TSHR: variants seen among roughly 807,000 people sequenced by gnomAD.
The protein encoded by TSHR is thyroid stimulating hormone receptor.
A neutral mutation model predicts 64.1 loss-of-function variants in TSHR; 51 were observed. The observed-to-expected ratio is 0.80, with a 90% confidence interval of 0.64 to 1.01. The LOEUF (loss-of-function observed/expected upper bound fraction) is 1.01. Ranked by LOEUF, TSHR falls within the 50% of genes least tolerant of loss-of-function variation. TSHR has a pLI of 0.00. For missense variants in TSHR, 877 were observed against 942.8 expected (o/e 0.93, Z 0.91); for synonymous variants, 361 against 361.9 (o/e 1.00, Z 0.03).
chr14:81,044,220 G>A (rs748207890), intron 1 of TSHR, among the ~76,000 whole-genome samples: 36 of 152,012 alleles, frequency 2.4e-4, no homozygotes, highest in Non-Finnish European at 4.3e-4. Context: ...AATCTACAAG[G>A]AACTTAAATT....
At chr14:81,049,369 T>G (rs555343445) in intron 1 of TSHR, 2 of 152,328 alleles carry the variant, frequency 1.3e-5, no homozygotes, top group Non-Finnish European at 2.9e-5. Context: ...TATGGTTATG[T>G]AGTTTCAGAA....
At chr14:81,097,138 T>C (rs1889259545) in intron 7 of TSHR, among the ~76,000 whole-genome samples, 1 of 152,308 alleles carries the variant, frequency 6.6e-6, no homozygotes, top group East Asian at 1.9e-4. Context: ...TTTCAAAAAA[T>C]AAATAGTGCT....
At chr14:80,976,973 G>A (rs1161683629) in intron 1 of TSHR, among the ~76,000 whole-genome samples, 1 of 152,266 alleles carries the variant, frequency 6.6e-6, no homozygotes, top group Non-Finnish European at 1.5e-5. Context: ...CAGATGCCAT[G>A]ATGTAGGCAA....
At chr14:81,085,733 G>A (rs1200804057) in intron 3 of TSHR, among the ~76,000 whole-genome samples, 1 of 152,120 alleles carries the variant, frequency 6.6e-6, no homozygotes, top group Admixed American at 6.6e-5. Flanking sequence ...TTTCCAGACT[G>A]CAAACCCTGC....
At chr14:80,967,638 G>A (rs530462903) in intron 1 of TSHR, among the ~76,000 whole-genome samples, 5 of 152,186 alleles carry the variant, frequency 3.3e-5, no homozygotes, top group African/African-American at 9.6e-5. Flanking sequence ...TTTCTTAATC[G>A]GGTGAGAGAT....
At chr14:81,136,910 G>A (rs552420701) in intron 8 of TSHR, among the ~76,000 whole-genome samples, 2 of 152,308 alleles carry the variant, frequency 1.3e-5, no homozygotes, top group South Asian at 4.1e-4. Flanking sequence ...ACCTGGATCT[G>A]TGTTCAAAGA....
intron 8 of TSHR, among the ~76,000 whole-genome samples, chr14:81,138,316 G>A (rs1339550474): frequency 6.7e-6 from 1 of 149,932 alleles, no homozygotes; most frequent in Admixed American, 6.7e-5. Context: ...TCAGCCTCCT[G>A]AGTAGCTGGG....
Position 80,955,867 on chromosome 14 carries a change from G to C in TSHR, c.170+17G>C, listed in dbSNP as rs1300468580. ...GCAGACTCTGTGAGTACCCGGGAGA[G>C]ATCAGGGTAGGACCCAGAGATCAAG... On this transcript the variant is annotated intron_variant, in intron 1 of 9. Transcript: ENST00000298171. 1 of 1,614,090 alleles carries C rather than the reference G, an allele frequency of 6.2e-7. No individual in the cohort carries two copies. Among genetic ancestry groups the C allele is most frequent in the African/African-American group, 1.3e-5 (1 of 75,080 alleles).
intron 1 of TSHR, among the ~76,000 whole-genome samples, chr14:81,022,623 C>T (rs930225016): frequency 2.0e-5 from 3 of 151,822 alleles, no homozygotes; most frequent in Non-Finnish European, 4.4e-5. Context: ...GAGATCGAGA[C>T]CATCCTGGCC....
chr14:81,068,694 T>C (rs1158127563), intron 3 of TSHR, among the ~76,000 whole-genome samples: 1 of 152,224 alleles, frequency 6.6e-6, no homozygotes, highest in Non-Finnish European at 1.5e-5. Context: ...TTTTCCTTAA[T>C]TCGGAAAGAG....
chr14:81,054,609 A>G (rs903719528), intron 1 of TSHR, among the ~76,000 whole-genome samples: 1 of 152,196 alleles, frequency 6.6e-6, no homozygotes, highest in African/African-American at 2.4e-5. Flanking sequence ...GATGGAGATG[A>G]GGAACTTGTT....
At chr14:81,042,963 A>G (rs553878114) in intron 1 of TSHR, among the ~76,000 whole-genome samples, 2 of 152,254 alleles carry the variant, frequency 1.3e-5, no homozygotes, top group Non-Finnish European at 2.9e-5. Flanking sequence ...AGCCGTATAT[A>G]AAAAACCCAC....
At chr14:81,120,114 G>A (rs998781208) in intron 8 of TSHR, among the ~76,000 whole-genome samples, 7 of 146,820 alleles carry the variant, frequency 4.8e-5, no homozygotes, top group Admixed American at 2.0e-4. Flanking sequence ...CACCAGCATG[G>A]CACATGTATA....
At chr14:81,063,865 A>G (rs1463028483) in intron 2 of TSHR, among the ~76,000 whole-genome samples, 1 of 152,108 alleles carries the variant, frequency 6.6e-6, no homozygotes, top group African/African-American at 2.4e-5. Flanking sequence ...TCCTGAAAAA[A>G]AAAATAGCAC....
chr14:80,989,030 T>G (rs1888605530), intron 1 of TSHR, among the ~76,000 whole-genome samples: 1 of 152,250 alleles, frequency 6.6e-6, no homozygotes, highest in Non-Finnish European at 1.5e-5. Context: ...TCTAGTTGTC[T>G]GGGAGCACCT....
At chr14:81,064,272 G>A (rs906005604) in intron 2 of TSHR, among the ~76,000 whole-genome samples, 4 of 152,082 alleles carry the variant, frequency 2.6e-5, no homozygotes, top group Non-Finnish European at 5.9e-5. Context: ...TAATGAAAAA[G>A]GATAGAGATT....
chr14:81,117,380 T>C (rs1890567707), intron 8 of TSHR, among the ~76,000 whole-genome samples: 1 of 114,428 alleles, frequency 8.7e-6, no homozygotes, highest in Non-Finnish European at 1.7e-5. Flanking sequence ...AAATACAAAC[T>C]ACCATCAGAG....
chr14:81,014,620 T>C (rs551638303), intron 1 of TSHR, among the ~76,000 whole-genome samples: 2 of 152,268 alleles, frequency 1.3e-5, no homozygotes, highest in South Asian at 2.1e-4. Flanking sequence ...TTAACATGCC[T>C]TGTTTGCCAC....
intron 1 of TSHR, among the ~76,000 whole-genome samples, chr14:81,011,330 T>G (rs1030506969): frequency 6.6e-6 from 1 of 152,114 alleles, no homozygotes; most frequent in African/African-American, 2.4e-5. Flanking sequence ...GGAAAATAGA[T>G]AGACAAAAAT....
Sources: allele counts gnomAD v4.1 joint callset (sites outside exome capture counted in the v4.1 genomes callset), GRCh38; gene constraint gnomAD v4.1.1; transcripts MANE v1.5; gene names NCBI Gene and HGNC (gene_info 2026-07-23, HGNC 2026-07-21).